Variants in OTC observed in about 807,000 individuals in gnomAD.
OTC encodes ornithine transcarbamylase, also known as ornithine transcarbamylase, mitochondrial.
In OTC, 3 loss-of-function variants were observed where a neutral mutation model predicts 30.3. That is an observed-to-expected ratio of 0.10 (90% CI 0.05 to 0.26). OTC has a LOEUF of 0.26. OTC is among the 10% of genes least tolerant of loss of function. The pLI, the probability that OTC is intolerant of heterozygous loss-of-function variation, is 1.00. For synonymous variants in OTC, 111 were observed against 99.7 expected (o/e 1.11, Z -0.67); for missense variants, 194 against 260.3 (o/e 0.75, Z 1.75).
the OTC span, among the ~76,000 whole-genome samples, chrX:38,335,553 T>C: frequency 2.7e-5 from 3 of 112,602 alleles, no homozygotes; most frequent in African/African-American, 9.7e-5. Flanking sequence ...CAGCTGTGTC[T>C]CTGACAGAAA....
rs11397097 is a variant in OTC at position 38,413,665 on chromosome X, A to ATT, written c.1005+1677_1005+1678dup. 3.5e-3 allele frequency among the ~76,000 whole-genome samples: 341 copies of ATT among 97,186 alleles called. 3 individuals carry two copies. Among genetic ancestry groups the ATT allele is most frequent in the East Asian group, 0.018 (56 of 3,058 alleles). The allele number at this position is 97,186 out of a possible 115,157, so 84.4% of individuals were successfully genotyped here. A position where few individuals can be genotyped will look rare whatever the true frequency, so the allele number is the denominator to read the frequency against. ...ATGGAGCTTGAGATTTGGCACATCT[A>ATT]TTTTTTTTTTTTGTTTTTTTTTGAG... On this transcript the variant is annotated intron_variant, in intron 9 of 9. Coordinates refer to ENST00000039007, the MANE Select transcript of OTC (RefSeq NM_000531.6).
At chrX:38,417,529 A>G (rs1199245925) in intron 9 of OTC, among the ~76,000 whole-genome samples, 2 of 111,731 alleles carry the variant, frequency 1.8e-5, no homozygotes, top group East Asian at 5.6e-4. Flanking sequence ...AACTTCCTAC[A>G]TCTCAGTTTC....
intron 1 of OTC, among the ~76,000 whole-genome samples, chrX:38,364,717 A>G (rs930472202): frequency 3.6e-5 from 4 of 109,918 alleles, no homozygotes; most frequent in South Asian, 7.8e-4. Context: ...GCTTCAACCC[A>G]GGAGGTGGAG....
chrX:38,414,928 A>G (rs143709007), intron 9 of OTC, among the ~76,000 whole-genome samples: 1,644 of 110,512 alleles, frequency 0.015, 31 homozygotes, highest in African/African-American at 0.051. Flanking sequence ...TCTGCCAGGC[A>G]TTGGAGATTG....
At chrX:38,334,181 A>G in the OTC span, among the ~76,000 whole-genome samples, 1 of 112,390 alleles carries the variant, frequency 8.9e-6, no homozygotes, top group African/African-American at 3.2e-5. Flanking sequence ...ATCTCTTATT[A>G]CTGCTAGATA....
chrX:38,343,634 A>G, the OTC span, among the ~76,000 whole-genome samples: 1 of 112,470 alleles, frequency 8.9e-6, no homozygotes, highest in Non-Finnish European at 1.9e-5. Flanking sequence ...AGAACCAGGT[A>G]TGGAAACTTG....
chrX:38,353,190 T>G (rs761621630), intron 1 of OTC, among the ~76,000 whole-genome samples: 1 of 112,315 alleles, frequency 8.9e-6, no homozygotes. Context: ...TAATAAATAC[T>G]GACAAAGCTG....
intron 4 of OTC, among the ~76,000 whole-genome samples, chrX:38,400,045 ATTC>A (rs970659073): frequency 9.0e-6 from 1 of 111,450 alleles, no homozygotes; most frequent in Non-Finnish European, 1.9e-5. Flanking sequence ...CATTTCAAGG[ATTC>A]TTCTTTGAAA....
chrX:38,346,550 T>C, the OTC span, among the ~76,000 whole-genome samples: 1 of 112,442 alleles, frequency 8.9e-6, no homozygotes, highest in Non-Finnish European at 1.9e-5. Flanking sequence ...GGGAAACAAC[T>C]CAATTGTCCT....
Position 38,374,938 on chromosome X carries a change from C to G in OTC, c.298+5061C>G, listed in dbSNP as rs573657208. On this transcript the variant is annotated intron_variant, in intron 3 of 9. Transcript: ENST00000039007. ...TTATAATCACCACTAAACTTCATTA[C>G]GTTGCTTCATAGATAATAGAAATTT... 2.7e-5 allele frequency among the ~76,000 whole-genome samples: 3 copies of G among 112,433 alleles called. No homozygotes were observed. The South Asian group carries it at 1.1e-3, about 42-fold the overall frequency.
chrX:38,375,346 G>A (rs536528669), intron 3 of OTC, among the ~76,000 whole-genome samples: 40 of 112,072 alleles, frequency 3.6e-4, no homozygotes, highest in African/African-American at 1.3e-3. Flanking sequence ...GAACAAAGGA[G>A]GGACATGATC....
chrX:38,371,056 C>T (rs1240575922), intron 3 of OTC, among the ~76,000 whole-genome samples: 1 of 111,704 alleles, frequency 9.0e-6, no homozygotes, highest in Non-Finnish European at 1.9e-5. Flanking sequence ...AGCTTTCCAG[C>T]ATGCCCCCCC....
chrX:38,351,955 T>G (rs758554275), upstream of OTC, among the ~76,000 whole-genome samples: 1 of 110,800 alleles, frequency 9.0e-6, no homozygotes, highest in Admixed American at 9.6e-5. Context: ...GAGACGGGGA[T>G]TCACCATGTT....
intron 9 of OTC, among the ~76,000 whole-genome samples, chrX:38,419,160 A>C (rs766886988): frequency 1.4e-4 from 16 of 110,617 alleles, no homozygotes; most frequent in Non-Finnish European, 2.8e-4. Flanking sequence ...GCATGGGTTC[A>C]TTTCTGGGCT....
At chrX:38,350,917 C>T (rs912874863), upstream of OTC, among the ~76,000 whole-genome samples, 8 of 111,935 alleles carry the variant, frequency 7.1e-5, no homozygotes, top group African/African-American at 2.6e-4. Flanking sequence ...TTGGCCTCAT[C>T]TCCCTCAGGC....
intron 6 of OTC, among the ~76,000 whole-genome samples, chrX:38,407,117 G>A (rs1053415612): frequency 1.8e-5 from 2 of 112,619 alleles, no homozygotes; most frequent in African/African-American, 6.4e-5. Flanking sequence ...GCTGAGTTGC[G>A]ATGCAGACCC....
At chrX:38,359,668 G>A (rs1053268638) in intron 1 of OTC, among the ~76,000 whole-genome samples, 17 of 111,260 alleles carry the variant, frequency 1.5e-4, no homozygotes, top group Non-Finnish European at 2.5e-4. Flanking sequence ...TGATCTGCCC[G>A]CCTCAGCCTC....
At chrX:38,384,344 A>G (rs1286877396) in intron 4 of OTC, among the ~76,000 whole-genome samples, 1 of 111,705 alleles carries the variant, frequency 9.0e-6, no homozygotes, top group Non-Finnish European at 1.9e-5. Context: ...GGAGTAGAGT[A>G]GCTATTGTAG....
chrX:38,331,527 GC>G, the OTC span, among the ~76,000 whole-genome samples: 2 of 101,371 alleles, frequency 2.0e-5, no homozygotes, highest in Non-Finnish European at 4.0e-5. Context: ...CAGGTGATCC[GC>G]CCACGTCGGC....
Sources: allele counts gnomAD v4.1 joint callset (sites outside exome capture counted in the v4.1 genomes callset), GRCh38; gene constraint gnomAD v4.1.1; transcripts MANE v1.5; gene names NCBI Gene and HGNC (gene_info 2026-07-23, HGNC 2026-07-21).